The following PLA2G2D variants were observed in gnomAD, a reference collection of about 807,000 sequenced individuals.
The protein encoded by PLA2G2D is group IID secretory phospholipase A2.
In PLA2G2D, 17 loss-of-function variants were observed where a neutral mutation model predicts 13.9. The ratio of observed to expected loss-of-function variants is 1.23; its 90% confidence interval spans 0.84 to 1.84. PLA2G2D has a LOEUF of 1.84. Among genes scored for constraint, PLA2G2D ranks in the 40% most tolerant of loss-of-function variants. The pLI, the probability that PLA2G2D is intolerant of heterozygous loss-of-function variation, is 0.00. For synonymous variants in PLA2G2D, 83 were observed against 69.3 expected (o/e 1.20, Z -0.98); for missense variants, 194 against 178.7 (o/e 1.09, Z -0.49).
In PLA2G2D at chr1:20,113,891, G is replaced by T. The variant is rs2016932284; in HGVS notation, c.*223C>A. On this transcript the variant is annotated 3_prime_UTR_variant, in exon 4 of 4. Coordinates refer to ENST00000375105, the MANE Select transcript of PLA2G2D (RefSeq NM_012400.4). ...CACCTCTGAGGGCTCCCTTGCTTGG[G>T]CTTCTCCCAAGATTCCCATCCACCC... The T allele has an allele frequency of 1.1e-5, 5 of 470,946 alleles. No homozygotes were observed. The East Asian group carries it at 1.7e-4, about 16-fold the overall frequency. The allele number at this position is 470,946 out of a possible 1,614,324, so 29.2% of individuals were successfully genotyped here. A position where few individuals can be genotyped will look rare whatever the true frequency, so the allele number is the denominator to read the frequency against.
chr1:20,115,743 C>T, intron 2 of PLA2G2D, 130 bp from the exon 3 acceptor site: 4 of 681,330 alleles, frequency 5.9e-6, no homozygotes, highest in Non-Finnish European at 1.1e-5. Context: ...CAGTCTTCCT[C>T]AGGATCATGA....
At position 20,114,232 on chromosome 1, in the gene PLA2G2D, T is replaced by C; in HGVS notation, c.320A>G (p.Gln107Arg). Residue 107 changes from glutamine to arginine, a missense_variant, in exon 4 of 4, where the codon CAG (glutamine) becomes CGG (arginine). Transcript: ENST00000375105. ...CACCTCCTTGTCACAGGCACACAGC[T>C]GCTGCTCACACCAGCTTCCCTTGTC... The part of the protein sequence containing the change: ...CSDKGSWCEQ[Q>R]LCACDKEVAF... The C allele has an allele frequency of 1.9e-6, 3 of 1,613,962 alleles. No individual in the cohort carries two copies. Among genetic ancestry groups the C allele is most frequent in the Non-Finnish European group, 2.5e-6 (3 of 1,179,880 alleles).
chr1:20,116,503 G>A (rs775699678), intron 1 of PLA2G2D, 26 bp from the exon 2 acceptor site: 1 of 1,613,872 alleles, frequency 6.2e-7, no homozygotes, highest in Non-Finnish European at 8.5e-7. Context: ...GCAACCAGGA[G>A]AGAAGAGGAG....
intron 2 of PLA2G2D, 86 bp from the exon 3 acceptor site, chr1:20,115,699 C>T: frequency 1.2e-6 from 1 of 849,780 alleles, no homozygotes; most frequent in Non-Finnish European, 2.0e-6. Context: ...GAACCCGTGT[C>T]CCCACCTGGG....
chr1:20,117,949 T>C (rs2100676317), intron 1 of PLA2G2D, among the ~76,000 whole-genome samples: 1 of 152,262 alleles, frequency 6.6e-6, no homozygotes, highest in Admixed American at 6.5e-5. Flanking sequence ...CCCCAGTACG[T>C]CCCCTCAATG....
intron 1 of PLA2G2D, among the ~76,000 whole-genome samples, chr1:20,117,099 A>G (rs2017005449): frequency 6.6e-6 from 1 of 152,228 alleles, no homozygotes; most frequent in Non-Finnish European, 1.5e-5. Context: ...GATGTACAAA[A>G]AAGTTGCAAA....
In PLA2G2D at chr1:20,114,181, T is replaced by C. The variant is rs1387189104; in HGVS notation, c.371A>G (p.Asp124Gly). Residue 124 changes from aspartate (D) to glycine (G), a missense_variant, in exon 4 of 4, where the codon GAC (aspartate) becomes GGC (glycine). Coordinates refer to ENST00000375105, the MANE Select transcript of PLA2G2D (RefSeq NM_012400.4). ...GAAACGCAGTCGCTTCTGGTAGGTG[T>C]CCAGGTTGCGCTTCAGGCAGAAGGC... ...EVAFCLKRNL[D>G]TYQKRLRFYW... 6.2e-7 allele frequency: 1 copy of C among 1,613,922 alleles called. No individual in the cohort carries two copies. The highest frequency in any genetic ancestry group is 1.3e-5 in the African/African-American group (1 of 75,040).
rs111517474 is a variant in PLA2G2D at position 20,119,495 on chromosome 1, C to T, written c.4G>A (p.Glu2Lys). Residue 2 changes from glutamate to lysine, a missense_variant, in exon 1 of 4, where the codon GAA becomes AAA. Transcript: ENST00000375105. MELALLCGLVVM... is the reference protein window; with the variant it reads MKLALLCGLVVM... ...ACCAGCCCACACAGCAGTGCAAGTT[C>T]CATGATCCCAGCACAGAGCAGTGGA... 1.1e-5 allele frequency: 17 copies of T among 1,613,902 alleles called. No homozygotes were observed. The highest frequency in any genetic ancestry group is 5.3e-5 in the African/African-American group (4 of 75,008).
intron 1 of PLA2G2D, among the ~76,000 whole-genome samples, chr1:20,119,237 G>A (rs1430203858): frequency 5.3e-5 from 8 of 152,228 alleles, no homozygotes; most frequent in African/African-American, 1.9e-4. Context: ...GCAGTCCAGA[G>A]ATGTGCAGCA....
chr1:20,117,495 C>T (rs574544575), intron 1 of PLA2G2D, among the ~76,000 whole-genome samples: 41 of 152,256 alleles, frequency 2.7e-4, no homozygotes, highest in African/African-American at 7.2e-4. Context: ...TTATTTCACT[C>T]ATAATAACTG....
In PLA2G2D at chr1:20,112,937, A is replaced by G. The variant is rs551854829; in HGVS notation, c.*1177T>C. ...GGGCAGGGGGAAGGCAGCTCCCACT[A>G]GACCAGGGCAGTATTTAGGGGAAGG... On this transcript the variant is annotated 3_prime_UTR_variant, in exon 4 of 4. Transcript: ENST00000375105. 1 of 152,388 alleles carries G rather than the reference A, an allele frequency of 6.6e-6. No homozygotes were observed. The highest frequency in any genetic ancestry group is 1.9e-4 in the East Asian group (1 of 5,174). The allele number at this position is 152,388 out of a possible 1,614,324, so 9.4% of individuals were successfully genotyped here. A position where few individuals can be genotyped will look rare whatever the true frequency, so the allele number is the denominator to read the frequency against.
At chr1:20,115,692 C>T in intron 2 of PLA2G2D, 79 bp from the exon 3 acceptor site, 1 of 875,232 alleles carries the variant, frequency 1.1e-6, no homozygotes, top group Non-Finnish European at 1.9e-6. Context: ...TGGAGAAGAA[C>T]CCGTGTCCCC....
chr1:20,113,370 G>T lies in PLA2G2D; in HGVS notation c.*744C>A, dbSNP rs369930166. 7 of 152,276 alleles carry T rather than the reference G, an allele frequency of 4.6e-5. No homozygotes were observed. The highest frequency in any genetic ancestry group is 1.7e-4 in the African/African-American group (7 of 41,446). The allele number at this position is 152,276 out of a possible 1,614,324, so 9.4% of individuals were successfully genotyped here. Reference sequence around the variant, plus strand: ...GACCCTGAGGAGGTGGGGATCAGTCGTGATGAAAGTAATAGCCATTCAGTA... The same window carrying T: ...GACCCTGAGGAGGTGGGGATCAGTCTTGATGAAAGTAATAGCCATTCAGTA... On this transcript the variant is annotated 3_prime_UTR_variant, in exon 4 of 4. Transcript: ENST00000375105.
At chr1:20,116,676 CTT>C (rs1241019394) in intron 1 of PLA2G2D, among the ~76,000 whole-genome samples, 199 bp from the exon 2 acceptor site, 1 of 152,072 alleles carries the variant, frequency 6.6e-6, no homozygotes, top group Non-Finnish European at 1.5e-5. Flanking sequence ...AATCCCAGCA[CTT>C]TGGGAGACAA....
At position 20,114,019 on chromosome 1, in the gene PLA2G2D, C is replaced by G; in HGVS notation, c.*95G>C. On this transcript the variant is annotated 3_prime_UTR_variant, in exon 4 of 4. Transcript: ENST00000375105. ...CGGGGGAGGCTGGGACTACCTCCCC[C>G]CGGAGTGTTTGAAAAGCCAGGCTGG... The G allele has an allele frequency of 1.7e-6, 2 of 1,190,646 alleles. No homozygotes were observed. The highest frequency in any genetic ancestry group is 2.4e-6 in the Non-Finnish European group (2 of 832,810). The allele number at this position is 1,190,646 out of a possible 1,614,324, so 73.8% of individuals were successfully genotyped here.
chr1:20,116,636 G>A (rs775817011), intron 1 of PLA2G2D, among the ~76,000 whole-genome samples, 159 bp from the exon 2 acceptor site: 12 of 151,998 alleles, frequency 7.9e-5, no homozygotes, highest in Non-Finnish European at 1.5e-4. Context: ...AAAATATAGC[G>A]ACAGGCCAGG....
rs1557766073 is a variant in PLA2G2D at position 20,111,974 on chromosome 1, T to TTTTATTTTATTTTA, written c.*2139_*2140insTAAAATAAAATAAA. 1.3e-5 allele frequency: 2 copies of TTTTATTTTATTTTA among 149,352 alleles called. No homozygotes were observed. The highest frequency in any genetic ancestry group is 4.0e-4 in the East Asian group (2 of 4,964). The allele number at this position is 149,352 out of a possible 1,614,324, so 9.3% of individuals were successfully genotyped here. ...TTTTATTTTATTTTATTTTATTTTA[T>TTTTATTTTATTTTA]TTTATTTTTTGAGACAGAGTGTCAC... On this transcript the variant is annotated 3_prime_UTR_variant, in exon 4 of 4. Transcript: ENST00000375105.
At chr1:20,114,521 G>A (rs2016944662) in intron 3 of PLA2G2D, among the ~76,000 whole-genome samples, 1 of 152,198 alleles carries the variant, frequency 6.6e-6, no homozygotes, top group Non-Finnish European at 1.5e-5. Context: ...GAACGATAGG[G>A]ACATGAGAGA....
At chr1:20,116,259 A>C (rs2016986863) in intron 2 of PLA2G2D, 74 bp downstream of exon 2, 12 of 1,414,770 alleles carry the variant, frequency 8.5e-6, no homozygotes, top group African/African-American at 1.4e-5. Context: ...CTAAATGAAC[A>C]GGTGGGTGGA....
Sources: allele counts gnomAD v4.1 joint callset (sites outside exome capture counted in the v4.1 genomes callset), GRCh38; gene constraint gnomAD v4.1.1; transcripts MANE v1.5; gene names NCBI Gene and HGNC (gene_info 2026-07-23, HGNC 2026-07-21).